The following FHIT variants were observed in gnomAD, a reference collection of about 807,000 sequenced individuals.
FHIT encodes bis(5'-adenosyl)-triphosphatase.
In FHIT, 19 loss-of-function variants were observed where a neutral mutation model predicts 17.9. The ratio of observed to expected loss-of-function variants is 1.06; its 90% CI spans 0.74 to 1.56. The LOEUF is 1.56. FHIT is among the 40% of genes most tolerant of loss of function. The pLI is 0.00. For synonymous variants in FHIT, 81 were observed against 69.7 expected, an observed-to-expected ratio of 1.16 and a Z score of -0.81; for missense variants, 248 against 189.2, an observed-to-expected ratio of 1.31 and a Z score of -1.82.
At chr3:60,172,890 A>C (rs1479852261) in intron 5 of FHIT, among the ~76,000 whole-genome samples, 1 of 152,196 alleles carries the variant, frequency 6.6e-6, no homozygotes, top group East Asian at 1.9e-4. Flanking sequence ...CTCTGTATCT[A>C]ACATTTCAGT....
chr3:59,915,595 C>G (rs1705095716), intron 8 of FHIT, among the ~76,000 whole-genome samples: 2 of 152,186 alleles, frequency 1.3e-5, no homozygotes, highest in African/African-American at 4.8e-5. Context: ...CTCCAGCTCA[C>G]CATCACTACC....
intron 5 of FHIT, among the ~76,000 whole-genome samples, chr3:60,192,169 C>T (rs1385339760): frequency 8.7e-5 from 13 of 149,924 alleles, no homozygotes; most frequent in South Asian, 2.1e-4. Context: ...GAGAATCGCT[C>T]GAGCCCGGGA....
intron 8 of FHIT, among the ~76,000 whole-genome samples, chr3:59,916,382 G>A (rs1038162136): frequency 2.2e-4 from 34 of 152,094 alleles, no homozygotes; most frequent in African/African-American, 7.7e-4. Flanking sequence ...TTTGGGACTC[G>A]GACTGGCTTC....
intron 4 of FHIT, among the ~76,000 whole-genome samples, chr3:60,605,825 C>T (rs1484974002): frequency 6.6e-6 from 1 of 152,124 alleles, no homozygotes; most frequent in African/African-American, 2.4e-5. Context: ...AGAAACTGAC[C>T]ATCACAGGGG....
rs115044828 is a variant in FHIT at position 60,049,660 on chromosome 3, C to T, written c.104-35508G>A. On this transcript the variant is annotated intron_variant, in intron 5 of 9. Coordinates refer to ENST00000492590, the MANE Select transcript of FHIT (RefSeq NM_002012.4). ...TTTACATATATTAAATAAAATACAG[C>T]ATTAACATGATCACCTAATTCTTTA... 8.5e-3 allele frequency among the ~76,000 whole-genome samples: 1,293 copies of T among 152,142 alleles called. 18 individuals are homozygous for T. Among genetic ancestry groups the T allele is most frequent in the African/African-American group, 0.03 (1,231 of 41,528 alleles).
At chr3:60,261,897 G>A (rs1009519446) in intron 5 of FHIT, among the ~76,000 whole-genome samples, 3 of 151,898 alleles carry the variant, frequency 2.0e-5, no homozygotes, top group African/African-American at 4.8e-5. Flanking sequence ...GAAGACAAAG[G>A]GACACAGAAG....
At chr3:60,180,156 A>C (rs764179058) in intron 5 of FHIT, among the ~76,000 whole-genome samples, 1 of 152,168 alleles carries the variant, frequency 6.6e-6, no homozygotes, top group African/African-American at 2.4e-5. Flanking sequence ...AAAAGCACAC[A>C]AGCTCGTCAA....
chr3:59,797,483 G>A (rs987888165), intron 8 of FHIT, among the ~76,000 whole-genome samples: 1 of 152,080 alleles, frequency 6.6e-6, no homozygotes, highest in African/African-American at 2.4e-5. Flanking sequence ...CACTGTGCCT[G>A]GTCTTAACAA....
chr3:60,251,715 G>C (rs372644779), intron 5 of FHIT, among the ~76,000 whole-genome samples: 1 of 152,098 alleles, frequency 6.6e-6, no homozygotes, highest in Non-Finnish European at 1.5e-5. Flanking sequence ...TCCTTGTCCA[G>C]CGTGTGGGCC....
At chr3:60,582,509 G>A (rs986884446) in intron 4 of FHIT, among the ~76,000 whole-genome samples, 1 of 152,048 alleles carries the variant, frequency 6.6e-6, no homozygotes, top group Non-Finnish European at 1.5e-5. Context: ...CTCTTGGGAA[G>A]AAATGAATGC....
chr3:60,964,038 G>A (rs1553782183), intron 3 of FHIT, among the ~76,000 whole-genome samples: 2 of 152,148 alleles, frequency 1.3e-5, no homozygotes, highest in East Asian at 1.9e-4. Flanking sequence ...GAGTGTTAAA[G>A]TCTCCCATTA....
At chr3:60,998,598 C>G (rs536112462) in intron 3 of FHIT, among the ~76,000 whole-genome samples, 1 of 152,192 alleles carries the variant, frequency 6.6e-6, no homozygotes, top group Non-Finnish European at 1.5e-5. Flanking sequence ...TCATCTGGCT[C>G]ATTGTCACAT....
At chr3:59,993,248 C>T (rs766087573) in intron 7 of FHIT, among the ~76,000 whole-genome samples, 1 of 152,068 alleles carries the variant, frequency 6.6e-6, no homozygotes, top group Non-Finnish European at 1.5e-5. Flanking sequence ...TAGTTTCCTG[C>T]TCTTCCTACA....
chr3:60,963,287 AT>A (rs1709553039), intron 3 of FHIT, among the ~76,000 whole-genome samples: 1 of 151,980 alleles, frequency 6.6e-6, no homozygotes, highest in Non-Finnish European at 1.5e-5. Context: ...CCCCTTTATC[AT>A]TTTTTATTGC....
chr3:60,297,583 A>AG (rs1285471302), intron 5 of FHIT, among the ~76,000 whole-genome samples: 1 of 151,780 alleles, frequency 6.6e-6, no homozygotes, highest in Admixed American at 6.6e-5. Flanking sequence ...CTGCAAAAAA[A>AG]AGGCTAGTTT....
chr3:59,850,983 G>A (rs1386135629), intron 8 of FHIT, among the ~76,000 whole-genome samples: 1 of 152,170 alleles, frequency 6.6e-6, no homozygotes, highest in Non-Finnish European at 1.5e-5. Flanking sequence ...TAGTCTTCCA[G>A]TTTCATTGTT....
At chr3:60,453,220 G>T (rs1193331836) in intron 5 of FHIT, among the ~76,000 whole-genome samples, 1 of 150,758 alleles carries the variant, frequency 6.6e-6, no homozygotes, top group Non-Finnish European at 1.5e-5. Context: ...TAACTCAAGT[G>T]CCCTATACAA....
At chr3:60,040,888 C>G (rs1283832844) in intron 5 of FHIT, among the ~76,000 whole-genome samples, 2 of 152,058 alleles carry the variant, frequency 1.3e-5, no homozygotes, top group African/African-American at 4.8e-5. Flanking sequence ...ATCTATACTT[C>G]TTGAAGGCAA....
At chr3:60,560,531 G>C (rs1013689097) in intron 4 of FHIT, among the ~76,000 whole-genome samples, 2 of 151,998 alleles carry the variant, frequency 1.3e-5, no homozygotes, top group South Asian at 4.2e-4. Context: ...AACCAAAATG[G>C]ATCTTCCTGT....
Sources: gnomAD v4.1 joint callset for allele counts (sites outside exome capture counted in the v4.1 genomes callset) on GRCh38, gnomAD v4.1.1 for gene constraint, MANE v1.5 for transcripts, NCBI Gene and HGNC (gene_info 2026-07-23, HGNC 2026-07-21) for gene names.